Variants in CNTNAP3B observed in about 807,000 individuals in gnomAD.
CNTNAP3B encodes the protein contactin-associated protein-like 3B.
In CNTNAP3B, 25 loss-of-function variants were observed where a neutral mutation model predicts 108.9. That is an observed-to-expected ratio of 0.23 (90% CI 0.17 to 0.32). The LOEUF (loss-of-function observed/expected upper bound fraction) is 0.32, where lower values mean the gene tolerates loss of function less well. Ranked by LOEUF, CNTNAP3B falls within the 10% of genes least tolerant of loss-of-function variation. The pLI, the probability that CNTNAP3B is intolerant of heterozygous loss-of-function variation, is 1.00. For missense variants in CNTNAP3B, 252 were observed against 1,210.4 expected, an observed-to-expected ratio of 0.21 and a Z score of 11.75; for synonymous variants, 103 against 473.4, an observed-to-expected ratio of 0.22 and a Z score of 10.16.
At chr9:42,030,810 A>ATGTGT (rs1826508570) in intron 3 of CNTNAP3B, among the ~76,000 whole-genome samples, 1 of 79,828 alleles carries the variant, frequency 1.3e-5, no homozygotes, top group Non-Finnish European at 2.5e-5. Flanking sequence ...AGAGAGAGAG[A>ATGTGT]GAGGAGAGAG....
At chr9:41,914,182 TTTTATTTATTTA>T in intron 18 of CNTNAP3B, among the ~76,000 whole-genome samples, 1 of 72,336 alleles carries the variant, frequency 1.4e-5, no homozygotes, top group Non-Finnish European at 2.8e-5. Context: ...TATTTTCTGT[TTTTATTTATTTA>T]TTTATTTATT....
At chr9:41,927,386 G>T (rs1317758506) in intron 15 of CNTNAP3B, among the ~76,000 whole-genome samples, 1 of 94,754 alleles carries the variant, frequency 1.1e-5, no homozygotes, top group Admixed American at 1.2e-4. Context: ...AACATACTGA[G>T]AAAGAAAAAA....
chr9:41,995,588 G>A (rs74860910), intron 7 of CNTNAP3B, among the ~76,000 whole-genome samples: 50,643 of 124,152 alleles, frequency 0.41, 12,935 homozygotes, highest in East Asian at 0.67. Context: ...ACAAAAAGCC[G>A]GGCATGCTGG....
intron 18 of CNTNAP3B, among the ~76,000 whole-genome samples, chr9:41,918,090 G>A (rs1326898914): frequency 1.3e-5 from 2 of 152,024 alleles, no homozygotes; most frequent in African/African-American, 4.8e-5. Context: ...ATGAGAGAGG[G>A]TTTACAGAGC....
intron 3 of CNTNAP3B, among the ~76,000 whole-genome samples, chr9:42,046,229 C>T (rs1390029877): frequency 2.0e-5 from 2 of 101,676 alleles, no homozygotes; most frequent in African/African-American, 8.7e-5. Flanking sequence ...GGAGGCAGTG[C>T]TGGATTCTGT....
intron 9 of CNTNAP3B, chr9:41,974,790 AG>A (rs1453808496): frequency 1.0e-5 from 1 of 96,792 alleles, no homozygotes; most frequent in Non-Finnish European, 1.9e-5. Context: ...GCAAGAAATT[AG>A]GGGAGTTCTG....
At chr9:42,121,529 C>T (rs1301691064) in intron 1 of CNTNAP3B, among the ~76,000 whole-genome samples, 1 of 138,426 alleles carries the variant, frequency 7.2e-6, no homozygotes, top group Non-Finnish European at 1.5e-5. Flanking sequence ...CAAAACAAAA[C>T]AAATTGACAA....
intron 8 of CNTNAP3B, among the ~76,000 whole-genome samples, chr9:41,990,882 C>T (rs1825793470): frequency 1.4e-5 from 2 of 139,292 alleles, no homozygotes; most frequent in South Asian, 4.6e-4. Flanking sequence ...CTAGCATTTG[C>T]CCAACAAAAA....
intron 13 of CNTNAP3B, among the ~76,000 whole-genome samples, chr9:41,947,111 A>C (rs1824550090): frequency 6.9e-6 from 1 of 145,896 alleles, no homozygotes; most frequent in Admixed American, 7.0e-5. Context: ...CTACTGGACA[A>C]GAAGTCAGCA....
chr9:41,943,292 CAA>C (rs1172592715), intron 13 of CNTNAP3B, among the ~76,000 whole-genome samples: 7 of 150,476 alleles, frequency 4.7e-5, no homozygotes, highest in South Asian at 2.1e-4. Context: ...CCATTAAACA[CAA>C]AGAGAAAAAG....
At chr9:42,121,233 C>A (rs1361186389) in intron 1 of CNTNAP3B, among the ~76,000 whole-genome samples, 1 of 138,410 alleles carries the variant, frequency 7.2e-6, no homozygotes, top group African/African-American at 2.9e-5. Context: ...AGTTCACGCC[C>A]CAGTTGCTCA....
chr9:41,954,802 G>A (rs1390620948), intron 12 of CNTNAP3B, among the ~76,000 whole-genome samples: 1 of 152,258 alleles, frequency 6.6e-6, no homozygotes, highest in Non-Finnish European at 1.5e-5. Flanking sequence ...TCCTGTCTCA[G>A]CCTCACAAGT....
In CNTNAP3B at chr9:42,123,655, G is replaced by A. The variant is rs1457180087; in HGVS notation, c.85+5355C>T. Reference sequence around the variant, plus strand: ...AAGCCTTCTAAAAGATTCCCAATATGTATATATATCATTTTCCTAACTCTA... The same window carrying A: ...AAGCCTTCTAAAAGATTCCCAATATATATATATATCATTTTCCTAACTCTA... On this transcript the variant is annotated intron_variant, in intron 1 of 23. Coordinates refer to ENST00000377561, the MANE Select transcript of CNTNAP3B (RefSeq NM_001201380.3). Among the ~76,000 whole-genome samples, 6 of 136,460 alleles carry A rather than the reference G, an allele frequency of 4.4e-5. 1 individual carries two copies. Among genetic ancestry groups the A allele is most frequent in the Non-Finnish European group, 7.8e-5 (5 of 64,406 alleles). The allele number at this position is 136,460 out of a possible 152,430, so 89.5% of individuals were successfully genotyped here.
At chr9:42,127,259 T>A (rs1828591764) in intron 1 of CNTNAP3B, among the ~76,000 whole-genome samples, 1 of 138,958 alleles carries the variant, frequency 7.2e-6, no homozygotes, top group Non-Finnish European at 1.5e-5. Flanking sequence ...TATCTGTCCC[T>A]GCCCTCCCCT....
At chr9:42,119,980 C>A (rs368718287) in intron 1 of CNTNAP3B, among the ~76,000 whole-genome samples, 16 of 143,610 alleles carry the variant, frequency 1.1e-4, no homozygotes, top group African/African-American at 4.0e-4. Flanking sequence ...CAAATGGGAT[C>A]TAATTAAACT....
In CNTNAP3B at chr9:42,044,819, A is replaced by G. The variant is rs1376380877; in HGVS notation, c.391-31294T>C. Among the ~76,000 whole-genome samples, 58 of 129,596 alleles carry G rather than the reference A, an allele frequency of 4.5e-4. 12 individuals carry two copies. The highest frequency in any genetic ancestry group is 1.8e-3 in the African/African-American group (57 of 32,488). The allele number at this position is 129,596 out of a possible 152,430, so 85.0% of individuals were successfully genotyped here. On this transcript the variant is annotated intron_variant, in intron 3 of 23. Coordinates refer to ENST00000377561, the MANE Select transcript of CNTNAP3B (RefSeq NM_001201380.3). ...GGTTTCTAAGATAGTGTATGGCTTTACAATGTATAGCTCTCTCCTCCAAGT... is the reference window on the plus strand; with the variant it reads ...GGTTTCTAAGATAGTGTATGGCTTTGCAATGTATAGCTCTCTCCTCCAAGT...
At position 41,954,933 on chromosome 9, in the gene CNTNAP3B, G is replaced by A. The variant is rs878859397; in HGVS notation, c.1877-1547C>T. Among the ~76,000 whole-genome samples the A allele has an allele frequency of 5.3e-4, 77 of 146,612 alleles. 1 individual carries two copies. The highest frequency in any genetic ancestry group is 3.7e-3 in the Middle Eastern group (1 of 270). ...ACTCCCAACCTCAGGTGATCCACCC[G>A]CCTTGGCCTCCCAAAGTGCTGGGAT... On this transcript the variant is annotated intron_variant, in intron 12 of 23. Coordinates refer to ENST00000377561, the MANE Select transcript of CNTNAP3B (RefSeq NM_001201380.3).
intron 3 of CNTNAP3B, among the ~76,000 whole-genome samples, chr9:42,045,679 G>T (rs999216273): frequency 1.3e-5 from 2 of 149,936 alleles, no homozygotes; most frequent in Non-Finnish European, 3.0e-5. Context: ...TGAGTGGAAT[G>T]GATAAACAAA....
chr9:41,934,124 C>CACACATATATATAT (rs1824074300), intron 14 of CNTNAP3B, among the ~76,000 whole-genome samples: 3 of 105,670 alleles, frequency 2.8e-5, no homozygotes, highest in African/African-American at 1.2e-4. Flanking sequence ...TATATATATA[C>CACACATATATATAT]ACACACATAT....
Sources: gnomAD v4.1 joint callset for allele counts (sites outside exome capture counted in the v4.1 genomes callset) on GRCh38, gnomAD v4.1.1 for gene constraint, MANE v1.5 for transcripts, NCBI Gene and HGNC (gene_info 2026-07-23, HGNC 2026-07-21) for gene names.